The following ATP5MJ variants were observed in gnomAD, a reference collection of about 807,000 sequenced individuals.
The protein encoded by ATP5MJ is ATP synthase F(0) complex subunit j, mitochondrial.
Under a neutral mutation model 8.3 loss-of-function variants are expected in ATP5MJ, and 4 were observed. The ratio of observed to expected loss-of-function variants is 0.48; its 90% CI spans 0.24 to 1.11. The LOEUF is 1.11. Among genes scored for constraint, ATP5MJ ranks in the 50% least tolerant of loss-of-function variants. The pLI, the probability that ATP5MJ is intolerant of heterozygous loss-of-function variation, is 0.18. For missense variants in ATP5MJ, 66 were observed against 71.8 expected (o/e 0.92, Z 0.29); for synonymous variants, 23 against 21.3 (o/e 1.08, Z -0.23).
chr14:103,916,985 C>T (rs915360206), intron 1 of ATP5MJ, among the ~76,000 whole-genome samples: 2 of 152,142 alleles, frequency 1.3e-5, no homozygotes, highest in South Asian at 2.1e-4. Context: ...CACTGAAACC[C>T]GGATCGTGTG....
intron 1 of ATP5MJ, chr14:103,918,033 TG>T (rs150907315): frequency 0.011 from 1,627 of 152,372 alleles, 11 homozygotes; most frequent in Middle Eastern, 0.017. Flanking sequence ...GTCCTTCTCC[TG>T]GAACACCTTG....
chr14:103,917,023 C>T (rs1056780240), intron 1 of ATP5MJ, among the ~76,000 whole-genome samples: 1 of 152,142 alleles, frequency 6.6e-6, no homozygotes, highest in Admixed American at 6.6e-5. Context: ...CAAATGTGCA[C>T]TGAGCATGTA....
At chr14:103,915,323 C>T in intron 1 of ATP5MJ, 134 bp from the exon 2 acceptor site, 2 of 969,328 alleles carry the variant, frequency 2.1e-6, no homozygotes, top group Non-Finnish European at 3.0e-6. Context: ...AGATGTCAGA[C>T]CCGTTCTGCA....
intron 1 of ATP5MJ, among the ~76,000 whole-genome samples, chr14:103,919,835 C>CT (rs568792205): frequency 0.016 from 2,295 of 145,540 alleles, 98 homozygotes; most frequent in Admixed American, 0.12. Flanking sequence ...AGGGCCCCCC[C>CT]TTTTTTTTTT....
chr14:103,919,290 A>G (rs1462043034), intron 1 of ATP5MJ, among the ~76,000 whole-genome samples: 1 of 150,474 alleles, frequency 6.6e-6, no homozygotes, highest in African/African-American at 2.4e-5. Context: ...CTGAGGCAGG[A>G]GAATCGCTTG....
At chr14:103,914,858 G>GAAAAAAAAAAAAAAAAAAGAAAAAAAAA (rs1314714313) in intron 2 of ATP5MJ, 1 of 310,376 alleles carries the variant, frequency 3.2e-6, no homozygotes, top group Non-Finnish European at 5.3e-6. Flanking sequence ...AAAAAAAAAA[G>GAAAAAAAAAAAAAAAAAAGAAAAAAAAA]AAAAGAAAAG....
rs548367937 is a variant in ATP5MJ, at chr14:103,920,226, G to A, written c.-1+1244C>T. On this transcript the variant is annotated intron_variant, in intron 1 of 3. Coordinates refer to ENST00000286953, the MANE Select transcript of ATP5MJ (RefSeq NM_004894.3). Reference sequence around the variant, plus strand: ...TGCAACCTCCGCCTCCAGGGTTCAAGCGATTGTCCTGCCTCAGCCTCCTGA... The same window carrying A: ...TGCAACCTCCGCCTCCAGGGTTCAAACGATTGTCCTGCCTCAGCCTCCTGA... 4.6e-4 allele frequency among the ~76,000 whole-genome samples: 70 copies of A among 151,206 alleles called. 1 individual carries two copies. In the South Asian group the frequency reaches 0.015, roughly 32 times the overall value.
chr14:103,912,749 A>G, intron 3 of ATP5MJ, 55 bp from the exon 4 acceptor site: 2 of 1,543,934 alleles, frequency 1.3e-6, no homozygotes, highest in Non-Finnish European at 1.8e-6. Context: ...AACAAGTTGG[A>G]TGTAATTTAT....
intron 1 of ATP5MJ, among the ~76,000 whole-genome samples, chr14:103,918,797 G>T (rs1253835889): frequency 6.6e-6 from 1 of 151,864 alleles, no homozygotes; most frequent in African/African-American, 2.4e-5. Context: ...CCAAGGCAGG[G>T]AGATCAAGAG....
At chr14:103,921,085 T>A (rs2087674704) in intron 1 of ATP5MJ, 8 of 1,513,632 alleles carry the variant, frequency 5.3e-6, no homozygotes. Flanking sequence ...CAAGGAAACT[T>A]GAGTTATAAA....
At chr14:103,919,008 C>T (rs2087649211) in intron 1 of ATP5MJ, among the ~76,000 whole-genome samples, 1 of 150,934 alleles carries the variant, frequency 6.6e-6, no homozygotes, top group Non-Finnish European at 1.5e-5. Flanking sequence ...GGTGACAGAG[C>T]GAGACTCCAT....
At chr14:103,914,924 T>A in intron 2 of ATP5MJ, 142 bp downstream of exon 2, 1 of 1,032,204 alleles carries the variant, frequency 9.7e-7, no homozygotes, top group Non-Finnish European at 1.4e-6. Flanking sequence ...ATGTGCTCCC[T>A]GTATTTTTTA....
chr14:103,915,666 T>A (rs1219238068), intron 1 of ATP5MJ, among the ~76,000 whole-genome samples: 1 of 150,216 alleles, frequency 6.7e-6, no homozygotes, highest in Admixed American at 6.7e-5. Context: ...TTTTTTTTTT[T>A]AAAGCAGAGA....
intron 1 of ATP5MJ, chr14:103,920,926 G>A (rs529759467): frequency 5.6e-5 from 87 of 1,541,302 alleles, no homozygotes; most frequent in Non-Finnish European, 7.6e-5. Context: ...ATTACATTAA[G>A]GGCGAACTAT....
At chr14:103,916,867 C>T (rs982145194) in intron 1 of ATP5MJ, among the ~76,000 whole-genome samples, 4 of 152,102 alleles carry the variant, frequency 2.6e-5, no homozygotes, top group Non-Finnish European at 5.9e-5. Flanking sequence ...TCCGAATGCT[C>T]GGCAGTGTGC....
chr14:103,914,849 A>AAAAAAAAAAAAAAAAAAAAAAAAAAAAC, intron 2 of ATP5MJ: 1 of 365,072 alleles, frequency 2.7e-6, no homozygotes, highest in Non-Finnish European at 4.6e-6. Flanking sequence ...AAAAAAAAAA[A>AAAAAAAAAAAAAAAAAAAAAAAAAAAAC]AAAAAAAAGA....
chr14:103,915,948 T>C (rs895264465), intron 1 of ATP5MJ, among the ~76,000 whole-genome samples: 2 of 152,170 alleles, frequency 1.3e-5, no homozygotes, highest in Non-Finnish European at 2.9e-5. Flanking sequence ...ATGACTCTAA[T>C]GTCTAAATCG....
Position 103,912,629 on chromosome 14 carries a change from T to C in ATP5MJ, c.*37A>G, listed in dbSNP as rs11551988. On this transcript the variant is annotated 3_prime_UTR_variant, in exon 4 of 4. Coordinates refer to ENST00000286953, the MANE Select transcript of ATP5MJ (RefSeq NM_004894.3). ...GGCTTGCTGAAATTTACAGGCAGAC[T>C]GACGTTTTCTTTCACATGTACTCCA... 67 of 1,609,834 alleles carry C rather than the reference T, an allele frequency of 4.2e-5. No homozygotes were observed. The highest frequency in any genetic ancestry group is 4.9e-5 in the Non-Finnish European group (58 of 1,176,720).
intron 2 of ATP5MJ, 26 bp downstream of exon 2, chr14:103,915,040 G>A: frequency 6.2e-7 from 1 of 1,613,268 alleles, no homozygotes; most frequent in Non-Finnish European, 8.5e-7. Flanking sequence ...CCTGACCTCA[G>A]AAAAATCAAA....
Sources: gnomAD v4.1 joint callset for allele counts (sites outside exome capture counted in the v4.1 genomes callset) on GRCh38, gnomAD v4.1.1 for gene constraint, MANE v1.5 for transcripts, NCBI Gene and HGNC (gene_info 2026-07-23, HGNC 2026-07-21) for gene names.